MAML2: variants seen among roughly 807,000 people sequenced by gnomAD.
MAML2 encodes the protein mastermind like transcriptional coactivator 2.
A neutral mutation model predicts 96.1 loss-of-function variants in MAML2; 22 were observed. The ratio of observed to expected loss-of-function variants is 0.23; its 90% confidence interval spans 0.16 to 0.33. The LOEUF is 0.33. Among genes scored for constraint, MAML2 ranks in the 10% least tolerant of loss-of-function variants. The pLI, the probability that MAML2 is intolerant of heterozygous loss-of-function variation, is 1.00. For synonymous variants in MAML2, 561 were observed against 521.3 expected (o/e 1.08, Z -1.04); for missense variants, 1,367 against 1,392.4 (o/e 0.98, Z 0.29).
intron 1 of MAML2, among the ~76,000 whole-genome samples, chr11:96,193,644 C>T (rs911580625): frequency 6.6e-6 from 1 of 152,036 alleles, no homozygotes; most frequent in African/African-American, 2.4e-5. Context: ...ATATATTTAC[C>T]AATTTCAAAT....
At chr11:96,052,103 A>C (rs763883307) in intron 2 of MAML2, among the ~76,000 whole-genome samples, 3 of 152,216 alleles carry the variant, frequency 2.0e-5, no homozygotes, top group African/African-American at 7.2e-5. Flanking sequence ...GCTACAAACT[A>C]TCAGAAAGTC....
At chr11:95,986,373 T>A (rs1857829190) in intron 3 of MAML2, among the ~76,000 whole-genome samples, 1 of 150,960 alleles carries the variant, frequency 6.6e-6, no homozygotes. Flanking sequence ...AATTTTTGTA[T>A]TTTTTTTTAA....
chr11:96,076,602 C>T lies in MAML2; in HGVS notation c.2139+15290G>A, dbSNP rs531713089. The stretch of plus-strand genomic sequence containing the variant: ...CCATTCCCATGGAAGTCAGGGCTGC[C>T]CTCACTCCCAAGGAACAGCCTGGGG... On this transcript the variant is annotated intron_variant, in intron 2 of 4. Coordinates refer to ENST00000524717, the MANE Select transcript of MAML2 (RefSeq NM_032427.4). Among the ~76,000 whole-genome samples the T allele has an allele frequency of 2.0e-5, 3 of 152,230 alleles. No homozygotes were observed. In the South Asian group the frequency reaches 6.2e-4, roughly 32 times the overall value.
chr11:96,103,506 T>C (rs1289169296), intron 1 of MAML2, among the ~76,000 whole-genome samples: 1 of 152,226 alleles, frequency 6.6e-6, no homozygotes, highest in African/African-American at 2.4e-5. Flanking sequence ...GTTCGAGGGT[T>C]GTTTATTCAT....
intron 1 of MAML2, among the ~76,000 whole-genome samples, chr11:96,317,014 T>G (rs2136008202): frequency 6.6e-6 from 1 of 152,304 alleles, no homozygotes; most frequent in Non-Finnish European, 1.5e-5. Context: ...GCACTCAGTG[T>G]CTTGGCGCTC....
chr11:96,225,002 C>T (rs776450916), intron 1 of MAML2, among the ~76,000 whole-genome samples: 2 of 152,150 alleles, frequency 1.3e-5, no homozygotes, highest in Non-Finnish European at 1.5e-5. Context: ...TGATACATTG[C>T]ACTACTTTAG....
intron 1 of MAML2, among the ~76,000 whole-genome samples, chr11:96,322,586 G>A (rs1262415682): frequency 6.6e-6 from 1 of 152,080 alleles, no homozygotes; most frequent in Non-Finnish European, 1.5e-5. Context: ...CAGCTCCTAG[G>A]GAGGCTGAGC....
At chr11:96,028,362 T>A (rs970398502) in intron 2 of MAML2, among the ~76,000 whole-genome samples, 1 of 152,196 alleles carries the variant, frequency 6.6e-6, no homozygotes, top group Admixed American at 6.5e-5. Context: ...TAATTCCCAT[T>A]CATTCTTCAA....
At chr11:96,126,828 G>A (rs1380109219) in intron 1 of MAML2, among the ~76,000 whole-genome samples, 1 of 152,142 alleles carries the variant, frequency 6.6e-6, no homozygotes, top group Admixed American at 6.5e-5. Context: ...ACCTTGCTAG[G>A]CCCTTAGGAT....
chr11:96,240,583 A>AAAAAAAAAAAAAAAAAAAAAAAAG (rs1862423881), intron 1 of MAML2, among the ~76,000 whole-genome samples: 1 of 147,804 alleles, frequency 6.8e-6, no homozygotes, highest in Admixed American at 6.8e-5. Context: ...AAAAAAAAAA[A>AAAAAAAAAAAAAAAAAAAAAAAAG]GAAAGCTGAT....
chr11:96,158,379 C>G (rs771087187), intron 1 of MAML2, among the ~76,000 whole-genome samples: 8 of 152,156 alleles, frequency 5.3e-5, no homozygotes, highest in Non-Finnish European at 1.2e-4. Context: ...CAATATGCTG[C>G]CCAGGTTGAC....
chr11:96,000,731 A>G (rs751896402), intron 2 of MAML2, among the ~76,000 whole-genome samples: 23 of 152,260 alleles, frequency 1.5e-4, no homozygotes, highest in Non-Finnish European at 3.2e-4. Context: ...TATTTTACAG[A>G]TAAAGACGCT....
At chr11:95,984,368 T>C (rs530360542) in intron 4 of MAML2, among the ~76,000 whole-genome samples, 78 of 152,340 alleles carry the variant, frequency 5.1e-4, no homozygotes, top group African/African-American at 1.7e-3. Flanking sequence ...TCTTTCAGCC[T>C]CCTTGAGACA....
At chr11:96,024,088 T>C (rs1049778410) in intron 2 of MAML2, among the ~76,000 whole-genome samples, 5 of 152,214 alleles carry the variant, frequency 3.3e-5, no homozygotes, top group Admixed American at 3.3e-4. Flanking sequence ...AGGGAAATGC[T>C]GGTAAAGGAG....
At chr11:96,225,154 A>G (rs1427346840) in intron 1 of MAML2, among the ~76,000 whole-genome samples, 3 of 152,216 alleles carry the variant, frequency 2.0e-5, no homozygotes, top group Non-Finnish European at 4.4e-5. Context: ...GGTTTGACTC[A>G]GTGACCAGCT....
chr11:96,312,219 C>CAAAAAAAAAAAAAAAAA lies in MAML2; in HGVS notation c.513+29147_513+29163dup, dbSNP rs34658278. 1.4e-3 allele frequency among the ~76,000 whole-genome samples: 70 copies of CAAAAAAAAAAAAAAAAA among 51,548 alleles called. 4 individuals carry two copies. The highest frequency in any genetic ancestry group is 2.1e-3 in the East Asian group (3 of 1,414). The allele number at this position is 51,548 out of a possible 152,430, so 33.8% of individuals were successfully genotyped here. ...TGGGCGACAGAGCAAGACTCTATCT[C>CAAAAAAAAAAAAAAAAA]AAAAAAAAAAAAAAAAAAAAAAAAA... is the stretch of plus-strand genomic sequence containing the variant. On this transcript the variant is annotated intron_variant, in intron 1 of 4. Transcript: ENST00000524717.
intron 1 of MAML2, among the ~76,000 whole-genome samples, chr11:96,184,462 A>G (rs1861540371): frequency 1.3e-5 from 2 of 151,634 alleles, no homozygotes; most frequent in African/African-American, 2.4e-5. Context: ...AAATAAATAA[A>G]TAAATAAATA....
intron 1 of MAML2, among the ~76,000 whole-genome samples, chr11:96,105,282 A>C (rs1306282979): frequency 2.0e-5 from 3 of 152,200 alleles, no homozygotes; most frequent in Non-Finnish European, 4.4e-5. Flanking sequence ...CAGCATGTCT[A>C]TTGTTTCCAC....
chr11:96,186,957 G>A (rs553132806), intron 1 of MAML2, among the ~76,000 whole-genome samples: 1 of 152,190 alleles, frequency 6.6e-6, no homozygotes, highest in Non-Finnish European at 1.5e-5. Context: ...AAAGACACAA[G>A]TTTCACTCAT....
Sources: gnomAD v4.1 joint callset for allele counts (sites outside exome capture counted in the v4.1 genomes callset) on GRCh38, gnomAD v4.1.1 for gene constraint, MANE v1.5 for transcripts, NCBI Gene and HGNC (gene_info 2026-07-23, HGNC 2026-07-21) for gene names.